The following PNPLA8 variants were observed in gnomAD, a reference collection of about 807,000 sequenced individuals.
The protein encoded by PNPLA8 is patatin like domain 8, phospholipase A2.
Under a neutral mutation model 76.9 loss-of-function variants are expected in PNPLA8, and 39 were observed. The observed-to-expected ratio is 0.51, with a 90% CI of 0.39 to 0.66. PNPLA8 has a LOEUF of 0.66. Among genes scored for constraint, PNPLA8 ranks in the 30% least tolerant of loss-of-function variants. The pLI is 0.00. For missense variants in PNPLA8, 887 were observed against 918.0 expected, an observed-to-expected ratio of 0.97 and a Z score of 0.44; for synonymous variants, 301 against 307.9, an observed-to-expected ratio of 0.98 and a Z score of 0.24.
rs1159910747 is a variant in PNPLA8, at chr7:108,480,957, T to C, written c.1879-1578A>G. Among the ~76,000 whole-genome samples, 4 of 149,206 alleles carry C rather than the reference T, an allele frequency of 2.7e-5. No individual in the cohort carries two copies. In the East Asian group the frequency reaches 5.8e-4, roughly 22 times the overall value. On this transcript the variant is annotated intron_variant, in intron 9 of 10. Coordinates refer to ENST00000257694, the MANE Select transcript of PNPLA8 (RefSeq NM_001256007.3). The stretch of plus-strand genomic sequence containing the variant: ...TTTTCTGCCACTACTAAGGAGGTCA[T>C]AGAAATGGAATAATACAGTATGGGA...
At chr7:108,493,809 A>G (rs1372818796) in intron 7 of PNPLA8, among the ~76,000 whole-genome samples, 1 of 152,078 alleles carries the variant, frequency 6.6e-6, no homozygotes, top group African/African-American at 2.4e-5. Flanking sequence ...TGATAAAAGT[A>G]GCCTAAGATT....
At chr7:108,474,499 A>G (rs115474528) in intron 10 of PNPLA8, among the ~76,000 whole-genome samples, 1,800 of 152,326 alleles carry the variant, frequency 0.012, 43 homozygotes, top group African/African-American at 0.039. Flanking sequence ...ATAGAAAGCT[A>G]CTAGAATAAG....
At chr7:108,507,140 C>A (rs916094287) in intron 4 of PNPLA8, among the ~76,000 whole-genome samples, 1 of 151,638 alleles carries the variant, frequency 6.6e-6, no homozygotes, top group Admixed American at 6.6e-5. Flanking sequence ...GTCAGGAGAT[C>A]GAGACCATCC....
intron 4 of PNPLA8, chr7:108,510,657 G>A: frequency 6.3e-7 from 1 of 1,591,418 alleles, no homozygotes; most frequent in Non-Finnish European, 8.5e-7. Flanking sequence ...ATTGCATGGG[G>A]GTACCCCAAT....
intron 5 of PNPLA8, among the ~76,000 whole-genome samples, chr7:108,498,488 TG>T (rs1861721362): frequency 6.6e-6 from 1 of 151,382 alleles, no homozygotes; most frequent in Non-Finnish European, 1.5e-5. Context: ...TTAGCCAGGA[TG>T]GTCTCGATCT....
chr7:108,471,258 T>C lies in PNPLA8; in HGVS notation c.*1143A>G, dbSNP rs1213519002. 2 of 146,108 alleles carry C rather than the reference T, an allele frequency of 1.4e-5. No individual in the cohort carries two copies. Among genetic ancestry groups the C allele is most frequent in the African/African-American group, 2.6e-5 (1 of 38,926 alleles). 9.1% of individuals were successfully genotyped at this position (146,108 alleles called of 1,614,324 possible). A position where few individuals can be genotyped will look rare whatever the true frequency, so the allele number is the denominator to read the frequency against. On this transcript the variant is annotated 3_prime_UTR_variant, in exon 11 of 11. Coordinates refer to ENST00000257694, the MANE Select transcript of PNPLA8 (RefSeq NM_001256007.3). ...TGAGATGGAGTCTCGCTGTGTCGCC[T>C]AGGCTGGAGTGCACTGGCGCTATTT...
chr7:108,487,949 G>T lies in PNPLA8; in HGVS notation c.1688C>A (p.Ala563Asp). ...TCTATTTACTATGGTACTTACAGCA[G>T]CTACCTAGTGAATGAAAAAGTGAAC... is the stretch of plus-strand genomic sequence containing the variant. ...TARNPTCPKV[A>D]AVSTIVNRGI... Residue 563 changes from alanine (A) to aspartate (D), a missense_variant, in exon 9 of 11, where the codon GCT (alanine) becomes GAT (aspartate). Physicochemically the swap from Ala to Asp is moderately radical, Grantham distance 126. Transcript: ENST00000257694. The T allele has an allele frequency of 1.3e-6, 2 of 1,588,112 alleles. No individual in the cohort carries two copies. The highest frequency in any genetic ancestry group is 1.7e-6 in the Non-Finnish European group (2 of 1,164,020).
intron 8 of PNPLA8, 60 bp downstream of exon 8, chr7:108,491,350 G>A (rs754509799): frequency 1.1e-5 from 11 of 984,186 alleles, no homozygotes; most frequent in Non-Finnish European, 1.6e-5. Flanking sequence ...CTCAGGACAA[G>A]TGCTTTCACC....
chr7:108,496,783 C>G (rs1218583401), intron 6 of PNPLA8, 28 bp from the exon 7 acceptor site: 2 of 1,578,824 alleles, frequency 1.3e-6, no homozygotes, highest in South Asian at 2.2e-5. Flanking sequence ...TAGCTTTTAT[C>G]AGTGTTAAGT....
In PNPLA8 at chr7:108,514,604, T is replaced by C. The variant is rs1377031155; in HGVS notation, c.888A>G (p.Glu296=). 6.2e-7 allele frequency: 1 copy of C among 1,613,978 alleles called. No homozygotes were observed. Among genetic ancestry groups the C allele is most frequent in the Non-Finnish European group, 8.5e-7 (1 of 1,179,986 alleles). The change falls in exon 3 of 11, where the codon GAA becomes GAG. Residue 296 remains glutamate, a synonymous_variant. Transcript: ENST00000257694. ...SIANFLSRPT[E]GVQALVGGYI... is the part of the protein sequence containing the mutation. ...AACCACCTACTAAAGCTTGTACACC[T>C]TCCGTGGGACGAGAAAGAAAGTTAG...
intron 7 of PNPLA8, among the ~76,000 whole-genome samples, chr7:108,491,705 C>T (rs781561763): frequency 2.6e-4 from 40 of 152,184 alleles, no homozygotes; most frequent in Non-Finnish European, 3.5e-4. Context: ...GGTGGAGCAA[C>T]GAACAGAGGG....
intron 7 of PNPLA8, among the ~76,000 whole-genome samples, chr7:108,493,607 A>G (rs1239939650): frequency 7.3e-5 from 9 of 122,522 alleles, no homozygotes; most frequent in Non-Finnish European, 1.3e-4. Context: ...TTTTTAGTAG[A>G]GATGGGGTTT....
Position 108,502,892 on chromosome 7 carries a change from TAACTA to T in PNPLA8, c.1207-255_1207-251del, listed in dbSNP as rs1862069378. 1.4e-5 allele frequency: 4 copies of T among 275,880 alleles called. No individual in the cohort carries two copies. In the Admixed American group the frequency reaches 2.1e-4, roughly 14 times the overall value. The allele number at this position is 275,880 out of a possible 1,614,324, so 17.1% of individuals were successfully genotyped here. ...AGTTTTCATTAAAAGATGTAATACT[TAACTA>T]GAGAAAATATAATTTATAGAAATTT... On this transcript the variant is annotated intron_variant, in intron 4 of 10. Transcript: ENST00000257694.
intron 9 of PNPLA8, chr7:108,480,782 C>A: frequency 2.7e-6 from 1 of 372,240 alleles, no homozygotes; most frequent in Non-Finnish European, 5.6e-6. Flanking sequence ...TTTTGGTATG[C>A]AGCTCTATGA....
Position 108,514,917 on chromosome 7 carries a change from TA to T in PNPLA8, c.574del (p.Tyr192ThrfsTer5). On this transcript the variant is annotated frameshift_variant, in exon 3 of 11. Coordinates refer to ENST00000257694, the MANE Select transcript of PNPLA8 (RefSeq NM_001256007.3). LOFTEE classifies it high-confidence loss of function. Reference sequence around the variant, plus strand: ...AAATTTTGTGGTTATAGAACTTGTGTAATGAAAAAGACTGCGTTTACCTATA... The same window carrying T: ...AAATTTTGTGGTTATAGAACTTGTGTATGAAAAAGACTGCGTTTACCTATA... ...EDIGKRSLFHYTSSITTKFGD... is the reference protein window; with the variant it reads ...EDIGKRSLFHXTSSITTKFGD... 3.7e-6 allele frequency: 6 copies of T among 1,608,846 alleles called. No homozygotes were observed. The highest frequency in any genetic ancestry group is 1.7e-5 in the Admixed American group (1 of 58,890).
At position 108,498,431 on chromosome 7, in the gene PNPLA8, A is replaced by AT. The variant is rs527328380; in HGVS notation, c.1359-855dup. Among the ~76,000 whole-genome samples the AT allele has an allele frequency of 8.3e-3, 1,156 of 140,066 alleles. 15 individuals are homozygous for AT. Among genetic ancestry groups the AT allele is most frequent in the African/African-American group, 0.025 (941 of 38,178 alleles). The allele number at this position is 140,066 out of a possible 152,430, so 91.9% of individuals were successfully genotyped here. A position where few individuals can be genotyped will look rare whatever the true frequency, so the allele number is the denominator to read the frequency against. On this transcript the variant is annotated intron_variant, in intron 5 of 10. Coordinates refer to ENST00000257694, the MANE Select transcript of PNPLA8 (RefSeq NM_001256007.3). Reference sequence around the variant, plus strand: ...AGGAGCCTGCCACCATGCCTGGCTAATTTTTTTTTTTTTTTGTATTTTTAG... The same window carrying AT: ...AGGAGCCTGCCACCATGCCTGGCTAATTTTTTTTTTTTTTTTGTATTTTTAG...
At chr7:108,480,899 T>C (rs1598873934) in intron 9 of PNPLA8, among the ~76,000 whole-genome samples, 1 of 152,136 alleles carries the variant, frequency 6.6e-6, no homozygotes, top group Non-Finnish European at 1.5e-5. Context: ...GCACCCCTCC[T>C]CCCACCCATA....
At chr7:108,521,925 C>T (rs1184276360) in intron 1 of PNPLA8, among the ~76,000 whole-genome samples, 1 of 152,126 alleles carries the variant, frequency 6.6e-6, no homozygotes, top group Non-Finnish European at 1.5e-5. Flanking sequence ...TAGTTCAGGC[C>T]ACGATGGAAG....
At chr7:108,527,426 A>T (rs180962192), upstream of PNPLA8, among the ~76,000 whole-genome samples, 82 of 152,340 alleles carry the variant, frequency 5.4e-4, no homozygotes, top group African/African-American at 1.9e-3. Context: ...TGTATGCACC[A>T]ATTAAGCCTT....
Sources: gnomAD v4.1 joint callset for allele counts (sites outside exome capture counted in the v4.1 genomes callset) on GRCh38, gnomAD v4.1.1 for gene constraint, MANE v1.5 for transcripts, NCBI Gene and HGNC (gene_info 2026-07-23, HGNC 2026-07-21) for gene names.